Variants in ARHGAP32 observed in about 807,000 individuals in gnomAD.
The protein encoded by ARHGAP32 is Rho GTPase activating protein 32.
In ARHGAP32, 51 loss-of-function variants were observed where a neutral mutation model predicts 186.5. The observed-to-expected ratio is 0.27, with a 90% CI of 0.22 to 0.35. ARHGAP32 has a LOEUF of 0.35. Ranked by LOEUF, ARHGAP32 falls within the 10% of genes least tolerant of loss-of-function variation. The probability of loss-of-function intolerance (pLI) is 1.00; values close to 1 mark genes in which losing one functional copy is unlikely to be tolerated. For synonymous variants in ARHGAP32, 950 were observed against 964.3 expected, an observed-to-expected ratio of 0.99 and a Z score of 0.27; for missense variants, 2,186 against 2,623.5, an observed-to-expected ratio of 0.83 and a Z score of 3.64.
chr11:128,995,801 T>TG, intron 12 of ARHGAP32, among the ~76,000 whole-genome samples: 1 of 152,252 alleles, frequency 6.6e-6, no homozygotes, highest in Non-Finnish European at 1.5e-5. Flanking sequence ...ATTGGGCCAC[T>TG]GCACTCCAGC....
intron 11 of ARHGAP32, chr11:129,024,190 C>T (rs1938730923): frequency 1.0e-6 from 1 of 985,500 alleles, no homozygotes; most frequent in Non-Finnish European, 1.2e-6. Context: ...GCACATACTG[C>T]TTTGCAACAC....
intron 5 of ARHGAP32, among the ~76,000 whole-genome samples, chr11:129,095,557 C>A (rs965633632): frequency 6.6e-6 from 1 of 152,112 alleles, no homozygotes; most frequent in East Asian, 1.9e-4. Flanking sequence ...AAGGACAAGG[C>A]AGCTAACCTC....
At position 128,967,403 on chromosome 11, in the gene ARHGAP32, G is replaced by A. The variant is rs1249819010; in HGVS notation, c.*1504C>T. 6.6e-6 allele frequency: 1 copy of A among 152,144 alleles called. No homozygotes were observed. The highest frequency in any genetic ancestry group is 2.4e-5 in the African/African-American group (1 of 41,426). 9.4% of individuals were successfully genotyped at this position (152,144 alleles called of 1,614,324 possible). ...TCTACAGACCGAGCATTTAAAATACGTGAATGTATAAAACTTGAGTATTAT... is the reference window on the plus strand; with the variant it reads ...TCTACAGACCGAGCATTTAAAATACATGAATGTATAAAACTTGAGTATTAT... On this transcript the variant is annotated 3_prime_UTR_variant, in exon 23 of 23. Transcript: ENST00000682385.
chr11:129,004,428 T>A (rs1937655845), intron 11 of ARHGAP32, among the ~76,000 whole-genome samples: 3 of 152,168 alleles, frequency 2.0e-5, no homozygotes, highest in Admixed American at 2.0e-4. Flanking sequence ...ATGTTGATTT[T>A]CTGTCTGGAA....
chr11:129,193,159 C>T (rs1944299572), upstream of ARHGAP32, among the ~76,000 whole-genome samples: 1 of 151,762 alleles, frequency 6.6e-6, no homozygotes, highest in Admixed American at 6.6e-5. Context: ...CTACTGAAGT[C>T]TTCTTGAATT....
intron 1 of ARHGAP32, among the ~76,000 whole-genome samples, chr11:129,212,130 G>C (rs1944588772): frequency 2.0e-5 from 3 of 152,028 alleles, no homozygotes; most frequent in African/African-American, 4.8e-5. Flanking sequence ...ACTCCAGCCT[G>C]GGTGACAGAG....
intron 11 of ARHGAP32, among the ~76,000 whole-genome samples, chr11:129,021,135 A>G (rs767879263): frequency 4.6e-5 from 7 of 152,094 alleles, no homozygotes; most frequent in Non-Finnish European, 1.0e-4. Flanking sequence ...TAATTCAAAC[A>G]GGGTTCTATC....
chr11:129,209,391 AAAG>A (rs1326589061), intron 1 of ARHGAP32, among the ~76,000 whole-genome samples: 2 of 152,154 alleles, frequency 1.3e-5, no homozygotes, highest in Non-Finnish European at 2.9e-5. Flanking sequence ...GAAGACGGAC[AAAG>A]AAGAAAAAAA....
At chr11:129,217,659 A>G (rs1944663337) in intron 1 of ARHGAP32, among the ~76,000 whole-genome samples, 1 of 152,176 alleles carries the variant, frequency 6.6e-6, no homozygotes, top group South Asian at 2.1e-4. Flanking sequence ...AAAGCTCAGT[A>G]CTGTCTATTC....
chr11:129,049,336 GAAC>G (rs1425109251), intron 10 of ARHGAP32, among the ~76,000 whole-genome samples: 1 of 152,140 alleles, frequency 6.6e-6, no homozygotes, highest in Non-Finnish European at 1.5e-5. Context: ...TTGGATGCAT[GAAC>G]AACATGAAGT....
At position 128,969,412 on chromosome 11, in the gene ARHGAP32, T is replaced by C; in HGVS notation, c.5801A>G (p.Tyr1934Cys). ...GIPDTSEPVS[Y>C]HNSGVKYAAS... ...AGCATATTTTACTCCAGAGTTGTGG[T>C]AGCTGACTGGCTCAGAAGTGTCTGG... The change falls in exon 23 of 23, where the codon TAC becomes TGC. Residue 1934 changes from tyrosine to cysteine, a missense_variant. By Grantham distance (194) the Tyr-to-Cys change is radical. Around this residue, in one of 5 missense-constraint regions of ARHGAP32, gnomAD observed 1,502 missense variants for 1,570.0 expected, o/e 0.96. Coordinates refer to ENST00000682385, the MANE Select transcript of ARHGAP32 (RefSeq NM_001378024.1). The surrounding 1 kb of genome is among the most constrained non-coding windows in gnomAD (Gnocchi z 4.8). 1.2e-6 allele frequency: 2 copies of C among 1,614,214 alleles called. No individual in the cohort carries two copies. The highest frequency in any genetic ancestry group is 1.7e-6 in the Non-Finnish European group (2 of 1,180,032).
At chr11:129,211,775 G>A (rs1438172919) in intron 1 of ARHGAP32, among the ~76,000 whole-genome samples, 1 of 152,136 alleles carries the variant, frequency 6.6e-6, no homozygotes, top group African/African-American at 2.4e-5. Context: ...AAAGAAAAAT[G>A]CATAAAAATT....
chr11:129,086,681 CGTG>C (rs1565415192), intron 6 of ARHGAP32, among the ~76,000 whole-genome samples: 1 of 151,836 alleles, frequency 6.6e-6, no homozygotes, highest in Non-Finnish European at 1.5e-5. Context: ...ATTAGCCGGG[CGTG>C]GTGGTGGGCG....
intron 5 of ARHGAP32, among the ~76,000 whole-genome samples, chr11:129,100,586 ATCCACCCTACCTCCACCT>A (rs1251440173): frequency 2.0e-5 from 3 of 151,984 alleles, no homozygotes; most frequent in Non-Finnish European, 2.9e-5. Context: ...CAAGAGTGCA[ATCCACCCTACCTCCACCT>A]GCCGACCACC....
chr11:129,180,209 A>C (rs1469397637), intron 1 of ARHGAP32, among the ~76,000 whole-genome samples: 1 of 152,186 alleles, frequency 6.6e-6, no homozygotes, highest in Non-Finnish European at 1.5e-5. Flanking sequence ...GGAATTTGCA[A>C]AAAGTAGATG....
chr11:129,147,688 A>T (rs1429874796), intron 2 of ARHGAP32, among the ~76,000 whole-genome samples: 1 of 152,186 alleles, frequency 6.6e-6, no homozygotes, highest in African/African-American at 2.4e-5. Context: ...ATATGCATGC[A>T]TTTTAGAATG....
chr11:129,067,823 C>CA (rs1285883429), intron 6 of ARHGAP32, among the ~76,000 whole-genome samples: 1 of 152,060 alleles, frequency 6.6e-6, no homozygotes, highest in Non-Finnish European at 1.5e-5. Flanking sequence ...CAGAGGGTAT[C>CA]ACCTCATGAG....
intron 2 of ARHGAP32, among the ~76,000 whole-genome samples, chr11:129,128,730 C>G (rs973192605): frequency 6.6e-6 from 1 of 152,100 alleles, no homozygotes; most frequent in African/African-American, 2.4e-5. Flanking sequence ...ATTGCAGGCC[C>G]GCACCGCCAC....
intron 10 of ARHGAP32, among the ~76,000 whole-genome samples, chr11:129,045,501 A>AT (rs1182793760): frequency 2.6e-5 from 4 of 152,240 alleles, no homozygotes; most frequent in African/African-American, 4.8e-5. Context: ...AATTTTCATG[A>AT]TAAAAAATTG....
Sources: allele counts gnomAD v4.1 joint callset (sites outside exome capture counted in the v4.1 genomes callset), GRCh38; gene constraint gnomAD v4.1.1; regional missense constraint gnomAD v4.1.1; non-coding constraint Gnocchi (gnomAD v3.1); transcripts MANE v1.5; gene names NCBI Gene and HGNC (gene_info 2026-07-23, HGNC 2026-07-21).